NUDC: variants seen among roughly 807,000 people sequenced by gnomAD.
NUDC encodes nuclear migration protein nudC.
NUDC carries 14 observed loss-of-function variants against 45.0 expected under a neutral mutation model. The observed-to-expected ratio is 0.31, with a 90% confidence interval of 0.21 to 0.49. NUDC has a LOEUF of 0.49. Ranked by LOEUF, NUDC falls within the 20% of genes least tolerant of loss-of-function variation. NUDC has a pLI of 0.99. For synonymous variants in NUDC, 153 were observed against 156.7 expected (o/e 0.98, Z 0.17); for missense variants, 323 against 426.2 (o/e 0.76, Z 2.13).
chr1:26,943,377 TTTG>T lies in NUDC; in HGVS notation c.741+315_741+317del, dbSNP rs550734805. ...TGTACACCACCACGCTCGGCTAATT[TTTG>T]TTATTAAATTTTTTTGTAGAGACCG... On this transcript the variant is annotated intron_variant, in intron 6 of 8. Transcript: ENST00000321265. 2.1e-3 allele frequency among the ~76,000 whole-genome samples: 312 copies of T among 151,956 alleles called. 3 individuals are homozygous for T. The highest frequency in any genetic ancestry group is 7.4e-3 in the African/African-American group (304 of 41,308).
upstream of NUDC, among the ~76,000 whole-genome samples, chr1:26,920,068 C>G (rs1445276249): frequency 6.6e-6 from 1 of 151,884 alleles, no homozygotes; most frequent in Admixed American, 6.6e-5. Flanking sequence ...AAAGAGAAAC[C>G]TAAAGGAAAA....
intron 2 of NUDC, among the ~76,000 whole-genome samples, chr1:26,910,048 G>A (rs2082019108): frequency 1.3e-5 from 2 of 152,284 alleles, no homozygotes; most frequent in South Asian, 4.2e-4. Flanking sequence ...ACACAGGTCT[G>A]CCTACTTAGG....
Position 26,921,794 on chromosome 1 carries a change from T to G in NUDC, c.-55T>G. ...GGGCCCGGCGCGACCCGCAGGAGCG[T>G]AGAGAGCGCGGGACTAGAGTGCAGA... On this transcript the variant is annotated 5_prime_UTR_variant, in exon 1 of 9. Coordinates refer to ENST00000321265, the MANE Select transcript of NUDC (RefSeq NM_006600.4). The G allele has an allele frequency of 4.6e-6, 7 of 1,514,424 alleles. No homozygotes were observed. The highest frequency in any genetic ancestry group is 6.3e-6 in the Non-Finnish European group (7 of 1,115,908). The allele number at this position is 1,514,424 out of a possible 1,614,324, so 93.8% of individuals were successfully genotyped here.
At chr1:26,906,289 G>GA (rs2082002660) in intron 2 of NUDC, among the ~76,000 whole-genome samples, 1 of 148,986 alleles carries the variant, frequency 6.7e-6, no homozygotes, top group Non-Finnish European at 1.5e-5. Context: ...AAAAAAAAAC[G>GA]AAAAAATACA....
upstream of NUDC, among the ~76,000 whole-genome samples, chr1:26,919,449 C>T (rs1389041937): frequency 6.6e-6 from 1 of 152,236 alleles, no homozygotes; most frequent in Non-Finnish European, 1.5e-5. Context: ...GCATGAGCCT[C>T]CGCAGTCGGC....
chr1:26,939,179 A>C (rs1441277814), intron 2 of NUDC, among the ~76,000 whole-genome samples: 1 of 151,918 alleles, frequency 6.6e-6, no homozygotes, highest in East Asian at 1.9e-4. Flanking sequence ...TTTTTAGTAG[A>C]GACAGGGTTT....
At chr1:26,927,139 G>A (rs956289326) in intron 2 of NUDC, among the ~76,000 whole-genome samples, 2 of 151,880 alleles carry the variant, frequency 1.3e-5, no homozygotes, top group Non-Finnish European at 2.9e-5. Context: ...AGGAAGTGAC[G>A]CTTCAGATAT....
intron 3 of NUDC, among the ~76,000 whole-genome samples, chr1:26,912,533 T>C (rs1387453083): frequency 6.6e-6 from 1 of 152,168 alleles, no homozygotes; most frequent in Non-Finnish European, 1.5e-5. Context: ...GAGTATTTGC[T>C]ACTATTATTA....
At chr1:26,913,505 C>T (rs909683352) in intron 3 of NUDC, 1 of 1,613,546 alleles carries the variant, frequency 6.2e-7, no homozygotes, top group Non-Finnish European at 8.5e-7. Flanking sequence ...AGCCACTGCA[C>T]CGCAGCCAGG....
chr1:26,917,973 TACAC>T (rs113458577), upstream of NUDC, among the ~76,000 whole-genome samples: 1,355 of 147,482 alleles, frequency 9.2e-3, 12 homozygotes, highest in African/African-American at 0.027. Context: ...AATGAATGTG[TACAC>T]ACACACACAC....
intron 2 of NUDC, among the ~76,000 whole-genome samples, chr1:26,909,323 G>A (rs1301179772): frequency 6.6e-6 from 1 of 152,048 alleles, no homozygotes; most frequent in Non-Finnish European, 1.5e-5. Flanking sequence ...TCATTACATT[G>A]CCCAGGCTGA....
At chr1:26,937,515 C>T (rs897020859) in intron 2 of NUDC, among the ~76,000 whole-genome samples, 9 of 152,072 alleles carry the variant, frequency 5.9e-5, no homozygotes, top group Non-Finnish European at 2.9e-5. Flanking sequence ...CTCCTGAGCT[C>T]AAGCGATCTG....
At chr1:26,945,836 C>T in intron 8 of NUDC, 150 bp downstream of exon 8, 1 of 779,624 alleles carries the variant, frequency 1.3e-6, no homozygotes, top group Admixed American at 1.9e-5. Flanking sequence ...GGCTTGCCTA[C>T]TCTTGTCATT....
At chr1:26,911,638 A>G (rs2082026960) in intron 3 of NUDC, 1 of 618,350 alleles carries the variant, frequency 1.6e-6, no homozygotes, top group Non-Finnish European at 2.9e-6. Flanking sequence ...GGGACCACCA[A>G]AAGCCTCCCA....
chr1:26,919,144 C>T (rs1245286040), upstream of NUDC, among the ~76,000 whole-genome samples: 4 of 151,294 alleles, frequency 2.6e-5, no homozygotes, highest in South Asian at 6.3e-4. Flanking sequence ...AGTGCAGTGG[C>T]GTGATCACAG....
intron 2 of NUDC, among the ~76,000 whole-genome samples, chr1:26,934,521 C>T (rs1016085458): frequency 1.3e-5 from 2 of 152,154 alleles, no homozygotes; most frequent in African/African-American, 4.8e-5. Context: ...TCATGCCCTT[C>T]CAACAGCCCC....
At chr1:26,918,275 G>T (rs1291388597), upstream of NUDC, among the ~76,000 whole-genome samples, 3 of 143,548 alleles carry the variant, frequency 2.1e-5, no homozygotes, top group Non-Finnish European at 3.0e-5. Context: ...GGGTTCAAGT[G>T]ATTCTTTTTT....
intron 2 of NUDC, chr1:26,929,627 C>A: frequency 3.5e-6 from 1 of 288,180 alleles, no homozygotes. Context: ...TTCGTGGGTA[C>A]GGTGGGACTA....
At position 26,942,775 on chromosome 1, in the gene NUDC, A is replaced by C; in HGVS notation, c.545A>C (p.Asp182Ala). Residue 182 changes from aspartate to alanine, a missense_variant and splice_region_variant, in exon 5 of 9, where the codon GAC becomes GCC. Coordinates refer to ENST00000321265, the MANE Select transcript of NUDC (RefSeq NM_006600.4). ...YRWTQTLSEL[D>A]LAVPFCVNFR... ...TGGACCCAGACCCTGTCGGAGCTGGACGTGAGTGTCAGGGACCAGAGGTAA... is the reference window on the plus strand; with the variant it reads ...TGGACCCAGACCCTGTCGGAGCTGGCCGTGAGTGTCAGGGACCAGAGGTAA... The C allele has an allele frequency of 6.2e-7, 1 of 1,614,232 alleles. No homozygotes were observed. The highest frequency in any genetic ancestry group is 8.5e-7 in the Non-Finnish European group (1 of 1,180,038).
Sources: gnomAD v4.1 joint callset for allele counts (sites outside exome capture counted in the v4.1 genomes callset) on GRCh38, gnomAD v4.1.1 for gene constraint, MANE v1.5 for transcripts, NCBI Gene and HGNC (gene_info 2026-07-23, HGNC 2026-07-21) for gene names.